The following RAD51B variants were observed in gnomAD, a reference collection of about 807,000 sequenced individuals.
The protein encoded by RAD51B is RAD51 paralog B, also known as DNA repair protein RAD51 homolog 2.
In RAD51B, 38 loss-of-function variants were observed where a neutral mutation model predicts 42.2. The observed-to-expected ratio is 0.90, with a 90% CI of 0.70 to 1.18. RAD51B has a LOEUF of 1.18. Ranked by LOEUF, RAD51B falls within the 50% of genes most tolerant of loss-of-function variation. The probability of loss-of-function intolerance (pLI) is 0.00; values close to 1 mark genes in which losing one functional copy is unlikely to be tolerated. For missense variants in RAD51B, 373 were observed against 400.7 expected, an observed-to-expected ratio of 0.93 and a Z score of 0.59; for synonymous variants, 154 against 145.2, an observed-to-expected ratio of 1.06 and a Z score of -0.43.
intron 8 of RAD51B, among the ~76,000 whole-genome samples, chr14:68,310,263 G>T (rs1156842678): frequency 1.3e-5 from 2 of 152,138 alleles, no homozygotes; most frequent in East Asian, 1.9e-4. Context: ...AGTAAGATCA[G>T]ATACCCTGCT....
chr14:68,472,938 C>T (rs1003481632), intron 10 of RAD51B, among the ~76,000 whole-genome samples: 4 of 152,202 alleles, frequency 2.6e-5, no homozygotes, highest in African/African-American at 9.7e-5. Context: ...TCAGGACAGG[C>T]ATTAATCTCT....
chr14:68,589,760 T>C (rs1316035779), intron 10 of RAD51B, among the ~76,000 whole-genome samples: 3 of 152,202 alleles, frequency 2.0e-5, no homozygotes, highest in Non-Finnish European at 4.4e-5. Flanking sequence ...TTTTTTCCAT[T>C]CTTGCCTCTC....
At chr14:67,939,780 A>G (rs2140176685) in intron 7 of RAD51B, among the ~76,000 whole-genome samples, 1 of 151,926 alleles carries the variant, frequency 6.6e-6, no homozygotes, top group Non-Finnish European at 1.5e-5. Flanking sequence ...GACTTAATCG[A>G]ACCCTAATTA....
Position 67,848,366 on chromosome 14 carries a change from C to T in RAD51B, c.315+13170C>T, listed in dbSNP as rs76574672. Among the ~76,000 whole-genome samples, 30 of 152,190 alleles carry T rather than the reference C, an allele frequency of 2.0e-4. No individual in the cohort carries two copies. In the East Asian group the frequency reaches 5.2e-3, roughly 26 times the overall value. On this transcript the variant is annotated intron_variant, in intron 4 of 10. Transcript: ENST00000471583. ...AATACCCTTCTACGTCTTTCTTAGT[C>T]GTTATGGTTTAAAGTCTGTTTTATC...
intron 8 of RAD51B, among the ~76,000 whole-genome samples, chr14:68,329,330 C>T (rs1199031405): frequency 6.6e-6 from 1 of 152,172 alleles, no homozygotes; most frequent in Non-Finnish European, 1.5e-5. Flanking sequence ...TTTGAATGTG[C>T]ACTCTGTCAC....
chr14:68,428,484 T>C (rs1188474374), intron 9 of RAD51B, among the ~76,000 whole-genome samples: 1 of 151,928 alleles, frequency 6.6e-6, no homozygotes, highest in African/African-American at 2.4e-5. Flanking sequence ...CTTATTCGCA[T>C]TGCATAACTG....
chr14:67,895,603 G>C (rs1226681141), intron 7 of RAD51B, among the ~76,000 whole-genome samples: 1 of 152,160 alleles, frequency 6.6e-6, no homozygotes, highest in African/African-American at 2.4e-5. Context: ...CAGTATGGGG[G>C]CAGAGAAACT....
intron 3 of RAD51B, among the ~76,000 whole-genome samples, chr14:67,825,820 C>G (rs1246874569): frequency 6.6e-6 from 1 of 152,100 alleles, no homozygotes; most frequent in Non-Finnish European, 1.5e-5. Context: ...GCCTCTGCCT[C>G]CTGGGTTCAA....
intron 10 of RAD51B, among the ~76,000 whole-genome samples, chr14:68,471,449 C>T (rs1050249071): frequency 3.3e-5 from 5 of 152,066 alleles, no homozygotes; most frequent in Admixed American, 1.3e-4. Flanking sequence ...ATTCGATTTA[C>T]CAGCTCCACA....
intron 10 of RAD51B, among the ~76,000 whole-genome samples, chr14:68,504,735 T>C (rs75197674): frequency 0.15 from 20,929 of 140,444 alleles, 2,028 homozygotes; most frequent in Non-Finnish European, 0.22. Flanking sequence ...AAATAATTAA[T>C]AGTAATAATC....
intron 7 of RAD51B, among the ~76,000 whole-genome samples, chr14:68,017,760 C>T (rs1316324403): frequency 6.6e-6 from 1 of 151,890 alleles, no homozygotes; most frequent in East Asian, 2.0e-4. Context: ...ATCACGAGGT[C>T]AAGAGATTGA....
intron 7 of RAD51B, among the ~76,000 whole-genome samples, chr14:67,918,500 G>T (rs921618301): frequency 3.3e-5 from 5 of 152,212 alleles, no homozygotes; most frequent in Non-Finnish European, 5.9e-5. Flanking sequence ...CTCCCAAAAT[G>T]CTGGGATTAC....
At chr14:68,539,362 C>T (rs929006110) in intron 10 of RAD51B, among the ~76,000 whole-genome samples, 5 of 152,156 alleles carry the variant, frequency 3.3e-5, no homozygotes, top group African/African-American at 1.2e-4. Flanking sequence ...CCTTCTGCCC[C>T]AGAAAAGCCC....
intron 7 of RAD51B, among the ~76,000 whole-genome samples, chr14:68,100,304 T>C (rs2077266838): frequency 6.6e-6 from 1 of 152,228 alleles, no homozygotes; most frequent in Non-Finnish European, 1.5e-5. Flanking sequence ...GCAAAAACTC[T>C]GGCCTGTTGC....
intron 11 of RAD51B, chr14:68,650,943 C>T (rs1309020517): frequency 3.1e-6 from 2 of 641,078 alleles, no homozygotes; most frequent in Admixed American, 2.5e-5. Flanking sequence ...AAAGTAGACC[C>T]AAGAACCTCA....
intron 10 of RAD51B, among the ~76,000 whole-genome samples, chr14:68,506,312 C>G (rs961517822): frequency 1.3e-5 from 2 of 152,198 alleles, no homozygotes; most frequent in African/African-American, 2.4e-5. Flanking sequence ...GGAAGGAATG[C>G]CTTTGTCTCT....
At chr14:67,830,756 T>C (rs1045504806) in intron 3 of RAD51B, among the ~76,000 whole-genome samples, 20 of 152,006 alleles carry the variant, frequency 1.3e-4, no homozygotes, top group Admixed American at 1.3e-4. Flanking sequence ...TGGTGAAGTA[T>C]AGGAAAATGT....
At chr14:68,343,728 C>T (rs868239531) in intron 8 of RAD51B, among the ~76,000 whole-genome samples, 1 of 152,304 alleles carries the variant, frequency 6.6e-6, no homozygotes, top group Middle Eastern at 3.4e-3. Context: ...GCTATCAGAC[C>T]CAGAGCATTA....
chr14:68,015,742 A>C (rs1473293766), intron 7 of RAD51B, among the ~76,000 whole-genome samples: 4 of 152,174 alleles, frequency 2.6e-5, no homozygotes, highest in Non-Finnish European at 5.9e-5. Flanking sequence ...ACACAGCCAA[A>C]CCATATCAGG....
Sources: allele counts gnomAD v4.1 joint callset (sites outside exome capture counted in the v4.1 genomes callset), GRCh38; gene constraint gnomAD v4.1.1; transcripts MANE v1.5; gene names NCBI Gene and HGNC (gene_info 2026-07-23, HGNC 2026-07-21).